Variants in ZHX2 observed in about 807,000 individuals in gnomAD.
The protein encoded by ZHX2 is zinc fingers and homeoboxes 2.
Under a neutral mutation model 21.9 loss-of-function variants are expected in ZHX2, and 6 were observed. The ratio of observed to expected loss-of-function variants is 0.27; its 90% CI spans 0.15 to 0.54. ZHX2 has a LOEUF of 0.54. Ranked by LOEUF, ZHX2 falls within the 20% of genes least tolerant of loss-of-function variation. The probability of loss-of-function intolerance (pLI) is 0.95; values close to 1 mark genes in which losing one functional copy is unlikely to be tolerated. For synonymous variants in ZHX2, 434 were observed against 437.1 expected, an observed-to-expected ratio of 0.99 and a Z score of 0.09; for missense variants, 908 against 1,090.7, an observed-to-expected ratio of 0.83 and a Z score of 2.36.
At chr8:122,935,640 A>G (rs996251258) in intron 2 of ZHX2, among the ~76,000 whole-genome samples, 2 of 148,880 alleles carry the variant, frequency 1.3e-5, no homozygotes, top group Non-Finnish European at 3.0e-5. Context: ...AGTTCATGCC[A>G]TTCTCCTGCC....
intron 2 of ZHX2, among the ~76,000 whole-genome samples, chr8:122,938,154 C>G (rs71514787): frequency 1.3e-5 from 2 of 150,092 alleles, no homozygotes; most frequent in Admixed American, 1.3e-4. Flanking sequence ...TGGCTGGTCT[C>G]GATCTCCTGA....
chr8:122,781,627 G>C (rs1270498507), upstream of ZHX2: 1 of 152,560 alleles, frequency 6.6e-6, no homozygotes, highest in Non-Finnish European at 1.5e-5. The surrounding 1 kb of genome is among the most constrained non-coding windows in gnomAD (Gnocchi z 4.6). Context: ...GGTATCGTAT[G>C]CAAATACGCA....
chr8:122,783,052 G>A (rs1272433064), intron 1 of ZHX2, among the ~76,000 whole-genome samples: 1 of 152,194 alleles, frequency 6.6e-6, no homozygotes, highest in East Asian at 1.9e-4. Flanking sequence ...CCTGGGAGGC[G>A]GAGGAGGAGG....
At chr8:122,857,532 C>T (rs1819056085) in intron 1 of ZHX2, among the ~76,000 whole-genome samples, 1 of 152,172 alleles carries the variant, frequency 6.6e-6, no homozygotes, top group Non-Finnish European at 1.5e-5. Context: ...AGATATCAAG[C>T]TGCATCTACA....
At position 122,782,653 on chromosome 8, in the gene ZHX2, C is replaced by G. The variant is rs769009352; in HGVS notation, c.-283+707C>G. On this transcript the variant is annotated intron_variant, in intron 1 of 3. Transcript: ENST00000314393. The surrounding 1 kb of genome is among the most constrained non-coding windows in gnomAD (Gnocchi z 5.3). Reference sequence around the variant, plus strand: ...GCGGGCGCGCAGCGCGGGCGGCAGCCGAGCTACCTGGCGGGGGCAGGGCCG... The same window carrying G: ...GCGGGCGCGCAGCGCGGGCGGCAGCGGAGCTACCTGGCGGGGGCAGGGCCG... Among the ~76,000 whole-genome samples the G allele has an allele frequency of 6.6e-6, 1 of 152,128 alleles. No homozygotes were observed. Among genetic ancestry groups the G allele is most frequent in the African/African-American group, 2.4e-5 (1 of 41,450 alleles).
intron 1 of ZHX2, among the ~76,000 whole-genome samples, chr8:122,835,528 G>A (rs368079839): frequency 3.3e-5 from 5 of 152,314 alleles, no homozygotes; most frequent in Admixed American, 1.3e-4. Context: ...AGTGGATACT[G>A]CTTACTGAGA....
At chr8:122,879,004 C>T (rs1361903708) in intron 2 of ZHX2, among the ~76,000 whole-genome samples, 4 of 152,066 alleles carry the variant, frequency 2.6e-5, no homozygotes, top group Admixed American at 2.6e-4. Context: ...GAATGGGGAC[C>T]TACTGCACTC....
intron 1 of ZHX2, among the ~76,000 whole-genome samples, chr8:122,833,697 A>T (rs1278650742): frequency 5.9e-5 from 9 of 152,102 alleles, no homozygotes; most frequent in Admixed American, 5.2e-4. Context: ...TGAGGGCAGG[A>T]CTAAGAAAGA....
intron 1 of ZHX2, among the ~76,000 whole-genome samples, chr8:122,822,655 G>A (rs1586588375): frequency 6.6e-6 from 1 of 152,336 alleles, no homozygotes; most frequent in East Asian, 1.9e-4. Flanking sequence ...CTCCTGGGAA[G>A]CAGAGGTCCG....
intron 1 of ZHX2, among the ~76,000 whole-genome samples, chr8:122,827,791 A>G (rs956000362): frequency 5.3e-5 from 8 of 152,012 alleles, no homozygotes; most frequent in Non-Finnish European, 8.8e-5. Flanking sequence ...ATTTGCACCA[A>G]CCTAATATTA....
intron 2 of ZHX2, among the ~76,000 whole-genome samples, chr8:122,943,418 C>G (rs1812894725): frequency 6.6e-6 from 1 of 152,236 alleles, no homozygotes; most frequent in Non-Finnish European, 1.5e-5. Flanking sequence ...GACCAAGCTC[C>G]TTAACCTCTC....
chr8:122,888,246 T>C (rs781173020), intron 2 of ZHX2, among the ~76,000 whole-genome samples: 1 of 152,054 alleles, frequency 6.6e-6, no homozygotes, highest in Non-Finnish European at 1.5e-5. Context: ...CCCTTGATTT[T>C]TTTTTTTGTT....
intron 2 of ZHX2, among the ~76,000 whole-genome samples, chr8:122,884,501 T>C (rs1225993701): frequency 2.0e-5 from 3 of 152,252 alleles, no homozygotes; most frequent in Admixed American, 1.3e-4. Flanking sequence ...CTCTTCCATT[T>C]TGTGCCTCTT....
intron 2 of ZHX2, among the ~76,000 whole-genome samples, chr8:122,950,847 A>T (rs188556446): frequency 1.3e-5 from 2 of 151,468 alleles, no homozygotes; most frequent in Admixed American, 1.3e-4. Flanking sequence ...TTCTATCATG[A>T]TTTTGCTTTT....
At chr8:122,935,286 A>G (rs1812654099) in intron 2 of ZHX2, among the ~76,000 whole-genome samples, 1 of 152,166 alleles carries the variant, frequency 6.6e-6, no homozygotes, top group Admixed American at 6.5e-5. Flanking sequence ...CTGAAAAGGG[A>G]AAAGTACATT....
At chr8:122,835,052 G>A (rs921388456) in intron 1 of ZHX2, among the ~76,000 whole-genome samples, 2 of 152,210 alleles carry the variant, frequency 1.3e-5, no homozygotes, top group African/African-American at 4.8e-5. Context: ...GTCTTCTGGG[G>A]TGAGGGTGGA....
At chr8:122,832,209 A>G (rs1818392529) in intron 1 of ZHX2, among the ~76,000 whole-genome samples, 1 of 152,252 alleles carries the variant, frequency 6.6e-6, no homozygotes, top group African/African-American at 2.4e-5. Flanking sequence ...TTCTACGAAT[A>G]GAGCATACAG....
intron 1 of ZHX2, among the ~76,000 whole-genome samples, chr8:122,800,461 T>C (rs548590639): frequency 6.6e-6 from 1 of 152,326 alleles, no homozygotes; most frequent in East Asian, 1.9e-4. Context: ...ATCTGTGTCC[T>C]GGACAGCATA....
intron 1 of ZHX2, among the ~76,000 whole-genome samples, chr8:122,843,842 T>C (rs1197247894): frequency 6.6e-6 from 1 of 152,118 alleles, no homozygotes; most frequent in Non-Finnish European, 1.5e-5. Flanking sequence ...TAAAGATTTG[T>C]CTGGTGTATA....
Sources: allele counts gnomAD v4.1 joint callset (sites outside exome capture counted in the v4.1 genomes callset), GRCh38; gene constraint gnomAD v4.1.1; non-coding constraint Gnocchi (gnomAD v3.1); transcripts MANE v1.5; gene names NCBI Gene and HGNC (gene_info 2026-07-23, HGNC 2026-07-21).